SCHIP1: variants seen among roughly 807,000 people sequenced by gnomAD.
SCHIP1 encodes schwannomin interacting protein 1, also known as schwannomin-interacting protein 1.
In SCHIP1, 8 loss-of-function variants were observed where a neutral mutation model predicts 29.7. The ratio of observed to expected loss-of-function variants is 0.27; its 90% confidence interval spans 0.16 to 0.49. SCHIP1 has a LOEUF of 0.49. SCHIP1 is among the 20% of genes least tolerant of loss of function. The pLI is 0.99. For synonymous variants in SCHIP1, 76 were observed against 94.9 expected (o/e 0.80, Z 1.16); for missense variants, 193 against 294.6 (o/e 0.66, Z 2.52).
At chr3:159,463,804 GAATTA>G in the SCHIP1 span, among the ~76,000 whole-genome samples, 1 of 151,708 alleles carries the variant, frequency 6.6e-6, no homozygotes, top group Admixed American at 6.6e-5. Context: ...AATATAAACA[GAATTA>G]TTTTACATAT....
chr3:159,852,159 T>C (rs1266285137), intron 1 of SCHIP1, among the ~76,000 whole-genome samples: 1 of 152,256 alleles, frequency 6.6e-6, no homozygotes, highest in East Asian at 1.9e-4. Flanking sequence ...GCAGTTCAGA[T>C]GCCAAAAGGT....
chr3:159,646,594 G>A, the SCHIP1 span, among the ~76,000 whole-genome samples: 2 of 152,132 alleles, frequency 1.3e-5, no homozygotes, highest in African/African-American at 4.8e-5. Context: ...CAGTAAGATA[G>A]TAATAAGGTA....
chr3:159,337,981 C>A, the SCHIP1 span, among the ~76,000 whole-genome samples: 3 of 152,278 alleles, frequency 2.0e-5, no homozygotes, highest in African/African-American at 4.8e-5. Context: ...CTTTCCATGT[C>A]CTTCAATCTT....
chr3:159,846,568 C>T (rs997811228), intron 1 of SCHIP1, among the ~76,000 whole-genome samples: 2 of 152,162 alleles, frequency 1.3e-5, no homozygotes, highest in African/African-American at 4.8e-5. Context: ...CCAATTTAAG[C>T]CTGGTTTCTT....
At chr3:159,680,690 T>C in the SCHIP1 span, among the ~76,000 whole-genome samples, 2 of 56,182 alleles carry the variant, frequency 3.6e-5, no homozygotes, top group South Asian at 9.5e-4. Context: ...AATATATGTA[T>C]ATATATAATA....
At chr3:159,713,432 A>C in the SCHIP1 span, among the ~76,000 whole-genome samples, 4 of 152,240 alleles carry the variant, frequency 2.6e-5, no homozygotes, top group African/African-American at 9.6e-5. Context: ...ATATATGAAT[A>C]ACAGTGTCTA....
chr3:159,475,535 T>C, the SCHIP1 span, among the ~76,000 whole-genome samples: 1 of 152,142 alleles, frequency 6.6e-6, no homozygotes, highest in Non-Finnish European at 1.5e-5. Context: ...CTATACTGAA[T>C]ACTACTGAAC....
At chr3:159,761,541 G>C in the SCHIP1 span, among the ~76,000 whole-genome samples, 1 of 152,162 alleles carries the variant, frequency 6.6e-6, no homozygotes, top group East Asian at 1.9e-4. Context: ...GCAGGCTGTT[G>C]CTGGGCCTAG....
the SCHIP1 span, among the ~76,000 whole-genome samples, chr3:159,550,062 T>TTAA: frequency 8.2e-6 from 1 of 121,446 alleles, no homozygotes; most frequent in African/African-American, 3.0e-5. Flanking sequence ...TTTTCTCTTA[T>TTAA]CTTAAGATAT....
At chr3:159,668,708 A>T in the SCHIP1 span, among the ~76,000 whole-genome samples, 1 of 152,198 alleles carries the variant, frequency 6.6e-6, no homozygotes, top group Non-Finnish European at 1.5e-5. Flanking sequence ...TTAATAGTTC[A>T]GACTATTAAT....
At chr3:159,286,220 C>T in the SCHIP1 span, among the ~76,000 whole-genome samples, 1 of 152,128 alleles carries the variant, frequency 6.6e-6, no homozygotes, top group African/African-American at 2.4e-5. Flanking sequence ...GCTCATCCTC[C>T]TTCCTCCCTC....
At chr3:159,801,597 A>G in the SCHIP1 span, among the ~76,000 whole-genome samples, 2 of 152,166 alleles carry the variant, frequency 1.3e-5, no homozygotes, top group Admixed American at 6.5e-5. Context: ...ATTTTACATT[A>G]CTTCTTAAAT....
chr3:159,591,823 G>A, the SCHIP1 span, among the ~76,000 whole-genome samples: 1 of 151,896 alleles, frequency 6.6e-6, no homozygotes, highest in South Asian at 2.1e-4. Context: ...ATGCATACAG[G>A]CCTTAAAACA....
chr3:159,456,720 G>T, the SCHIP1 span, among the ~76,000 whole-genome samples: 3 of 152,108 alleles, frequency 2.0e-5, no homozygotes, highest in African/African-American at 7.2e-5. Flanking sequence ...TAAAATAATT[G>T]GTTAAGATCT....
At chr3:159,368,840 C>A in the SCHIP1 span, among the ~76,000 whole-genome samples, 1 of 152,120 alleles carries the variant, frequency 6.6e-6, no homozygotes, top group Admixed American at 6.6e-5. Flanking sequence ...CCTGGAGAGA[C>A]GTGTCTTGAC....
the SCHIP1 span, among the ~76,000 whole-genome samples, chr3:159,307,620 G>A: frequency 6.6e-6 from 1 of 152,114 alleles, no homozygotes; most frequent in Non-Finnish European, 1.5e-5. Context: ...TGCTTCTGAG[G>A]ACTTAGCCAA....
chr3:159,365,141 A>AAG, the SCHIP1 span, among the ~76,000 whole-genome samples: 1 of 152,102 alleles, frequency 6.6e-6, no homozygotes, highest in Admixed American at 6.5e-5. Context: ...CTGAAAAGAG[A>AAG]AGGAAGGATT....
chr3:159,487,760 G>A, the SCHIP1 span, among the ~76,000 whole-genome samples: 2 of 152,114 alleles, frequency 1.3e-5, no homozygotes, highest in Non-Finnish European at 2.9e-5. Flanking sequence ...TTAAAGGGAG[G>A]CAGAATCACC....
intron 2 of SCHIP1, among the ~76,000 whole-genome samples, chr3:159,878,695 A>G (rs1487077368): frequency 1.4e-4 from 19 of 137,120 alleles, no homozygotes; most frequent in Non-Finnish European, 1.8e-4. Flanking sequence ...GGAGAATGGC[A>G]TGAACCCGGG....
Sources: allele counts gnomAD v4.1 joint callset (sites outside exome capture counted in the v4.1 genomes callset), GRCh38; gene constraint gnomAD v4.1.1; transcripts MANE v1.5; gene names NCBI Gene and HGNC (gene_info 2026-07-23, HGNC 2026-07-21).